The following MCUB variants were observed in gnomAD, a reference collection of about 807,000 sequenced individuals.
MCUB encodes the protein mitochondrial calcium uniporter dominant negative subunit beta, also known as calcium uniporter regulatory subunit MCUb, mitochondrial.
In MCUB, 46 loss-of-function variants were observed where a neutral mutation model predicts 41.4. The ratio of observed to expected loss-of-function variants is 1.11; its 90% CI spans 0.88 to 1.42. The LOEUF (loss-of-function observed/expected upper bound fraction) is 1.42, where lower values mean the gene tolerates loss of function less well. MCUB is among the 40% of genes most tolerant of loss of function. The pLI is 0.00. For synonymous variants in MCUB, 148 were observed against 148.2 expected (o/e 1.00, Z 0.01); for missense variants, 403 against 404.9 (o/e 1.00, Z 0.04).
In MCUB at chr4:109,569,722, C is replaced by T. The variant is rs143017314; in HGVS notation, c.99+9286C>T. 5.3e-3 allele frequency among the ~76,000 whole-genome samples: 813 copies of T among 152,014 alleles called. 6 individuals are homozygous for T. The highest frequency in any genetic ancestry group is 8.6e-3 in the Non-Finnish European group (587 of 67,974). ...TTCCCCATGTTGGCCAGGCTGGTCT[C>T]GAACCCCTGACCTCAGGTGATTGGC... On this transcript the variant is annotated intron_variant, in intron 1 of 7. Transcript: ENST00000394650.
chr4:109,675,346 G>A (rs1219894549), intron 4 of MCUB, among the ~76,000 whole-genome samples: 3 of 152,160 alleles, frequency 2.0e-5, no homozygotes, highest in Admixed American at 6.5e-5. Context: ...TCAACTAGGC[G>A]TTAACCATGG....
chr4:109,683,939 GTTTT>G (rs1441018039), intron 5 of MCUB, among the ~76,000 whole-genome samples: 3 of 152,074 alleles, frequency 2.0e-5, no homozygotes, highest in Non-Finnish European at 4.4e-5. Flanking sequence ...GTTTTAAAGA[GTTTT>G]ATTAGTGAGC....
At chr4:109,674,812 T>C (rs1346126312) in intron 4 of MCUB, among the ~76,000 whole-genome samples, 2 of 152,266 alleles carry the variant, frequency 1.3e-5, no homozygotes, top group African/African-American at 4.8e-5. Context: ...AATAGAAATA[T>C]GTATTTTAAG....
rs1459472015 is a variant in MCUB, at chr4:109,660,299, G to A, written c.280G>A (p.Gly94Ser). The change falls in exon 3 of 8, where the codon GGT (glycine) becomes AGT (serine). Residue 94 changes from glycine to serine, a missense_variant. Coordinates refer to ENST00000394650, the MANE Select transcript of MCUB (RefSeq NM_017918.5). ...AGTCAAACCAATGTTGTCAACAGTT[G>A]GTTCATTCCTTCAGGACCTACAAAA... ...FVVKPMLSTV[G>S]SFLQDLQNED... is the part of the protein sequence containing the mutation. 6.2e-7 allele frequency: 1 copy of A among 1,607,448 alleles called. No individual in the cohort carries two copies. The highest frequency in any genetic ancestry group is 1.7e-5 in the Admixed American group (1 of 59,966).
chr4:109,583,621 G>A (rs1239654902), intron 1 of MCUB, among the ~76,000 whole-genome samples: 1 of 152,156 alleles, frequency 6.6e-6, no homozygotes, highest in Admixed American at 6.5e-5. Flanking sequence ...TGGTGAGAGA[G>A]GGCATCCCTG....
intron 1 of MCUB, among the ~76,000 whole-genome samples, chr4:109,568,438 C>A (rs1488751324): frequency 6.6e-6 from 1 of 152,094 alleles, no homozygotes; most frequent in African/African-American, 2.4e-5. Context: ...TGAGCTAATT[C>A]CTCTTCTTCT....
At chr4:109,577,042 G>A (rs2126125817) in intron 1 of MCUB, among the ~76,000 whole-genome samples, 1 of 152,264 alleles carries the variant, frequency 6.6e-6, no homozygotes, top group East Asian at 1.9e-4. Flanking sequence ...AGTAGAGCCA[G>A]GGTTTCGCCA....
intron 1 of MCUB, among the ~76,000 whole-genome samples, chr4:109,603,767 T>G (rs1579061025): frequency 6.7e-6 from 1 of 149,382 alleles, no homozygotes; most frequent in Non-Finnish European, 1.5e-5. Context: ...GTCTGGGAGG[T>G]GGGGGGCGCC....
At chr4:109,682,070 G>A (rs924151416) in intron 4 of MCUB, among the ~76,000 whole-genome samples, 1 of 83,846 alleles carries the variant, frequency 1.2e-5, no homozygotes, top group Non-Finnish European at 2.6e-5. Context: ...ATTTTAGTGA[G>A]TTCTCTGGTT....
rs1425277019 is a variant in MCUB, at chr4:109,660,178, CT to C, written c.176-10del. 1.6e-6 allele frequency: 2 copies of C among 1,258,156 alleles called. No individual in the cohort carries two copies. Among genetic ancestry groups the C allele is most frequent in the Non-Finnish European group, 2.2e-6 (2 of 925,432 alleles). The allele number at this position is 1,258,156 out of a possible 1,614,324, so 77.9% of individuals were successfully genotyped here. On this transcript the variant is annotated splice_polypyrimidine_tract_variant and intron_variant, in intron 2 of 7. Coordinates refer to ENST00000394650, the MANE Select transcript of MCUB (RefSeq NM_017918.5). ...AAGTAAAATTTACTCATTTTTTTTTCTTTTTTTCCTTAACAGAAATAACAGT... is the reference window on the plus strand; with the variant it reads ...AAGTAAAATTTACTCATTTTTTTTTCTTTTTTCCTTAACAGAAATAACAGT...
rs777235046 is a variant in MCUB at position 109,684,641 on chromosome 4, C to T, written c.811C>T (p.Arg271Ter). Reference sequence around the variant, plus strand: ...CTTTTTTGCATACTTTATAGTCACTCGACAGGTGAGTAGTTTGTTAGGAAA... The same window carrying T: ...CTTTTTTGCATACTTTATAGTCACTTGACAGGTGAGTAGTTTGTTAGGAAA... ...MVFFAYFIVT[R>*]QDYTYSAVKS... Residue 271 changes from arginine to a stop codon, truncating the protein, a stop_gained, in exon 6 of 8, where the codon CGA (arginine) becomes TGA (stop). Transcript: ENST00000394650. LOFTEE classifies it high-confidence loss of function. 2.7e-5 allele frequency: 38 copies of T among 1,417,930 alleles called. No individual in the cohort carries two copies. The highest frequency in any genetic ancestry group is 3.8e-5 in the Non-Finnish European group (38 of 1,005,130). 87.8% of individuals were successfully genotyped at this position (1,417,930 alleles called of 1,614,324 possible). A position where few individuals can be genotyped will look rare whatever the true frequency, so the allele number is the denominator to read the frequency against.
At chr4:109,592,093 A>G (rs554305020) in intron 1 of MCUB, among the ~76,000 whole-genome samples, 2 of 151,998 alleles carry the variant, frequency 1.3e-5, no homozygotes, top group East Asian at 3.9e-4. Flanking sequence ...ACTATACTTT[A>G]TTTGCTGAAT....
chr4:109,584,870 C>T (rs972343768), intron 1 of MCUB, among the ~76,000 whole-genome samples: 3 of 152,112 alleles, frequency 2.0e-5, no homozygotes, highest in Non-Finnish European at 4.4e-5. Flanking sequence ...GCTTTACTTC[C>T]AACTATGGTC....
At chr4:109,660,143 G>GT (rs576092543) in intron 2 of MCUB, 52 bp from the exon 3 acceptor site, 158 of 906,180 alleles carry the variant, frequency 1.7e-4, no homozygotes, top group Middle Eastern at 4.4e-4. Flanking sequence ...TGTATTTATG[G>GT]TTTTTTTTAA....
Position 109,593,545 on chromosome 4 carries a change from A to G in MCUB, c.99+33109A>G, listed in dbSNP as rs1475211511. Among the ~76,000 whole-genome samples, 5 of 152,308 alleles carry G rather than the reference A, an allele frequency of 3.3e-5. No individual in the cohort carries two copies. The East Asian group carries it at 9.6e-4, about 29-fold the overall frequency. ...ATTCCTTTCTGTATCTGCATGTATG[A>G]TGATCCACAGGTAAAGTGCCCAAAA... On this transcript the variant is annotated intron_variant, in intron 1 of 7. Transcript: ENST00000394650.
intron 4 of MCUB, among the ~76,000 whole-genome samples, chr4:109,676,523 TC>T (rs1729581177): frequency 6.6e-6 from 1 of 152,152 alleles, no homozygotes; most frequent in African/African-American, 2.4e-5. Flanking sequence ...CCCTTAATAC[TC>T]TGTTCATGAC....
chr4:109,603,231 G>C (rs1727785474), intron 1 of MCUB, among the ~76,000 whole-genome samples: 1 of 151,114 alleles, frequency 6.6e-6, no homozygotes, highest in Non-Finnish European at 1.5e-5. Context: ...GAGTGCCTGG[G>C]ATTGCAGGCG....
intron 1 of MCUB, among the ~76,000 whole-genome samples, chr4:109,595,435 T>C (rs1727532044): frequency 6.6e-6 from 1 of 151,852 alleles, no homozygotes; most frequent in South Asian, 2.1e-4. Flanking sequence ...TTGGGGTTAT[T>C]GAAAAGGTGA....
At chr4:109,613,007 G>A (rs986125715) in intron 1 of MCUB, among the ~76,000 whole-genome samples, 9 of 152,064 alleles carry the variant, frequency 5.9e-5, no homozygotes, top group Non-Finnish European at 1.3e-4. Context: ...TCGCGAGGCT[G>A]AAGCAGGAGA....
Sources: gnomAD v4.1 joint callset for allele counts (sites outside exome capture counted in the v4.1 genomes callset) on GRCh38, gnomAD v4.1.1 for gene constraint, MANE v1.5 for transcripts, NCBI Gene and HGNC (gene_info 2026-07-23, HGNC 2026-07-21) for gene names.